Variants in KHDC1 observed in about 807,000 individuals in gnomAD.
KHDC1 encodes KH domain containing 1.
Under a neutral mutation model 24.7 loss-of-function variants are expected in KHDC1, and 21 were observed. The observed-to-expected ratio is 0.85, with a 90% confidence interval of 0.60 to 1.23. The LOEUF (loss-of-function observed/expected upper bound fraction) is 1.23, where lower values mean the gene tolerates loss of function less well. KHDC1 is among the 50% of genes most tolerant of loss of function. The probability of loss-of-function intolerance (pLI) is 0.00; values close to 1 mark genes in which losing one functional copy is unlikely to be tolerated. For synonymous variants in KHDC1, 98 were observed against 111.7 expected (o/e 0.88, Z 0.77); for missense variants, 274 against 298.5 (o/e 0.92, Z 0.61).
chr6:73,245,354 A>C (rs747266889), intron 2 of KHDC1, among the ~76,000 whole-genome samples: 3 of 152,256 alleles, frequency 2.0e-5, no homozygotes, highest in Non-Finnish European at 2.9e-5. Flanking sequence ...TTTCCAAAAG[A>C]CTAAATCTTC....
chr6:73,285,746 G>A (rs1415437995), intron 2 of KHDC1, among the ~76,000 whole-genome samples: 4 of 151,022 alleles, frequency 2.6e-5, no homozygotes, highest in Non-Finnish European at 5.9e-5. Flanking sequence ...CTGGTGCGCT[G>A]CACCCACTAA....
chr6:73,305,849 G>A (rs896768688), intron 1 of KHDC1, among the ~76,000 whole-genome samples: 13 of 151,942 alleles, frequency 8.6e-5, no homozygotes, highest in East Asian at 7.7e-4. Context: ...TAGTAGAGAC[G>A]GGGTTCACCA....
chr6:73,267,350 G>T (rs1325675390), intron 2 of KHDC1, among the ~76,000 whole-genome samples: 1 of 152,170 alleles, frequency 6.6e-6, no homozygotes, highest in Non-Finnish European at 1.5e-5. Flanking sequence ...GGTTGTGGTG[G>T]CAGGCGCCTG....
At chr6:73,288,546 G>C (rs1368046161) in intron 2 of KHDC1, among the ~76,000 whole-genome samples, 3 of 152,122 alleles carry the variant, frequency 2.0e-5, no homozygotes, top group East Asian at 3.9e-4. Flanking sequence ...ACTTGAACCT[G>C]GGAGGCAGAG....
At chr6:73,263,093 T>C (rs1767014476) in intron 2 of KHDC1, 1 of 1,021,230 alleles carries the variant, frequency 9.8e-7, no homozygotes, top group South Asian at 3.8e-5. Flanking sequence ...GCTGCAGGCC[T>C]GGCCGATTGT....
chr6:73,251,640 G>A (rs1405235762), intron 2 of KHDC1, among the ~76,000 whole-genome samples: 1 of 151,788 alleles, frequency 6.6e-6, no homozygotes, highest in Non-Finnish European at 1.5e-5. Context: ...CTTCTATTTT[G>A]GACATAAGGA....
intron 2 of KHDC1, among the ~76,000 whole-genome samples, chr6:73,289,697 C>T (rs1767602245): frequency 1.3e-5 from 2 of 151,914 alleles, no homozygotes; most frequent in Admixed American, 6.6e-5. Flanking sequence ...CACTGTGACT[C>T]ACACCTGTAA....
chr6:73,308,603 C>T (rs547736756), intron 1 of KHDC1, among the ~76,000 whole-genome samples: 4 of 151,600 alleles, frequency 2.6e-5, no homozygotes, highest in Admixed American at 6.6e-5. Context: ...TCGACCTCCC[C>T]GGGCTCAGGT....
At chr6:73,263,885 G>A (rs1285721572) in intron 2 of KHDC1, among the ~76,000 whole-genome samples, 15 of 152,202 alleles carry the variant, frequency 9.9e-5, no homozygotes. Flanking sequence ...AGTCCGTTTG[G>A]ACAATTAGAT....
intron 1 of KHDC1, among the ~76,000 whole-genome samples, chr6:73,297,834 T>C (rs147495584): frequency 2.6e-5 from 4 of 152,284 alleles, no homozygotes; most frequent in Admixed American, 6.5e-5. Flanking sequence ...TCCAAATGAT[T>C]TGTTGAAATA....
chr6:73,257,777 T>C (rs1365402607), intron 2 of KHDC1, among the ~76,000 whole-genome samples: 1 of 151,784 alleles, frequency 6.6e-6, no homozygotes, highest in Non-Finnish European at 1.5e-5. Context: ...CAAGTAAAAC[T>C]CTTTGACCCT....
chr6:73,265,614 T>C (rs1448865834), intron 2 of KHDC1, among the ~76,000 whole-genome samples: 1 of 151,810 alleles, frequency 6.6e-6, no homozygotes, highest in Non-Finnish European at 1.5e-5. Context: ...CTAAGGGCTC[T>C]TGCTGAGAGG....
intron 1 of KHDC1, chr6:73,292,098 G>C: frequency 1.2e-6 from 2 of 1,606,808 alleles, no homozygotes; most frequent in South Asian, 2.2e-5. Context: ...GACCTTCTTA[G>C]TGATGCCAAC....
At chr6:73,308,768 T>G (rs1768021844) in intron 1 of KHDC1, among the ~76,000 whole-genome samples, 1 of 152,216 alleles carries the variant, frequency 6.6e-6, no homozygotes, top group African/African-American at 2.4e-5. Flanking sequence ...GTACTGGGAT[T>G]GCAGGTGTCA....
chr6:73,259,025 G>T (rs185559733), intron 2 of KHDC1, among the ~76,000 whole-genome samples: 14 of 152,312 alleles, frequency 9.2e-5, no homozygotes, highest in Admixed American at 8.5e-4. Context: ...CTTGCAGGAA[G>T]AATTTTTAAT....
At chr6:73,241,704 C>T (rs1418927716) in exon 5 of KHDC1, 18 of 1,613,994 alleles carry the variant, frequency 1.1e-5, no homozygotes, top group African/African-American at 2.7e-5. Flanking sequence ...AGGCTGGCTT[C>T]GGACACGTTC....
chr6:73,295,831 GT>G (rs1263089922), intron 1 of KHDC1, among the ~76,000 whole-genome samples: 1 of 146,138 alleles, frequency 6.8e-6, no homozygotes, highest in Non-Finnish European at 1.5e-5. Flanking sequence ...GGGCAACAGA[GT>G]GATACTCCAT....
At chr6:73,241,618 T>G (rs764172574) in exon 5 of KHDC1, 1 of 1,614,204 alleles carries the variant, frequency 6.2e-7, no homozygotes, top group Non-Finnish European at 8.5e-7. Context: ...ACGGTTCCAC[T>G]TATCCTGGGA....
chr6:73,302,273 A>T (rs1429657222), intron 1 of KHDC1, among the ~76,000 whole-genome samples: 1 of 152,222 alleles, frequency 6.6e-6, no homozygotes, highest in Admixed American at 6.5e-5. Context: ...TGAGCAACAG[A>T]GCGAGACTCT....
Sources: gnomAD v4.1 joint callset for allele counts (sites outside exome capture counted in the v4.1 genomes callset) on GRCh38, gnomAD v4.1.1 for gene constraint, MANE v1.5 for transcripts, NCBI Gene and HGNC (gene_info 2026-07-23, HGNC 2026-07-21) for gene names.